POLD3: variants seen among roughly 807,000 people sequenced by gnomAD.
POLD3 encodes DNA polymerase delta 3, accessory subunit.
Under a neutral mutation model 58.2 loss-of-function variants are expected in POLD3, and 19 were observed. The observed-to-expected ratio is 0.33, with a 90% confidence interval of 0.23 to 0.48. POLD3 has a LOEUF of 0.48. POLD3 is among the 20% of genes least tolerant of loss of function. The probability of loss-of-function intolerance (pLI) is 0.99; values close to 1 mark genes in which losing one functional copy is unlikely to be tolerated. For synonymous variants in POLD3, 172 were observed against 193.5 expected, an observed-to-expected ratio of 0.89 and a Z score of 0.92; for missense variants, 504 against 545.5, an observed-to-expected ratio of 0.92 and a Z score of 0.76.
At chr11:74,623,574 C>T (rs2032333533) in intron 7 of POLD3, among the ~76,000 whole-genome samples, 1 of 152,104 alleles carries the variant, frequency 6.6e-6, no homozygotes. Context: ...GGTGGATATA[C>T]AACTAAAACG....
chr11:74,592,769 C>T (rs1340525352), intron 1 of POLD3, 51 bp downstream of exon 1: 1 of 1,606,522 alleles, frequency 6.2e-7, no homozygotes, highest in Admixed American at 1.7e-5. Flanking sequence ...GTCCTGGGCC[C>T]GGCTAGGGCG....
In POLD3 at chr11:74,642,840, T is replaced by C. The variant is rs949980228; in HGVS notation, c.*2074T>C. The C allele has an allele frequency of 1.0e-6, 1 of 985,178 alleles. No individual in the cohort carries two copies. Among genetic ancestry groups the C allele is most frequent in the Non-Finnish European group, 1.2e-6 (1 of 829,814 alleles). The allele number at this position is 985,178 out of a possible 1,614,324, so 61.0% of individuals were successfully genotyped here. On this transcript the variant is annotated 3_prime_UTR_variant, in exon 12 of 12. Transcript: ENST00000263681. ...GGTTTTCAGTTGATATTGTTAAAAC[T>C]GCATACCCACAGTCTGAGATGAACA...
intron 3 of POLD3, among the ~76,000 whole-genome samples, chr11:74,608,625 A>G (rs982483485): frequency 3.3e-5 from 5 of 152,094 alleles, no homozygotes; most frequent in African/African-American, 1.2e-4. Context: ...ACCAGCTGGC[A>G]TTTCCATTCT....
At chr11:74,611,400 T>G (rs1249354461) in intron 3 of POLD3, 99 bp from the exon 4 acceptor site, 1 of 727,680 alleles carries the variant, frequency 1.4e-6, no homozygotes, top group Non-Finnish European at 2.4e-6. Flanking sequence ...CCTGGTGTTT[T>G]CCTAATTTCA....
chr11:74,599,822 CTG>C lies in POLD3; in HGVS notation c.117-4868_117-4867del, dbSNP rs563137599. On this transcript the variant is annotated intron_variant, in intron 2 of 11. Transcript: ENST00000263681. ...TAGAGAAAGCGGTATGGGCAATACA[CTG>C]TACTCATCCTGGGGAACATTATGGG... Among the ~76,000 whole-genome samples the C allele has an allele frequency of 3.4e-3, 523 of 152,248 alleles. 2 individuals carry two copies. The highest frequency in any genetic ancestry group is 0.011 in the East Asian group (57 of 5,182).
intron 3 of POLD3, among the ~76,000 whole-genome samples, chr11:74,608,802 A>T (rs1271190830): frequency 6.6e-6 from 1 of 152,140 alleles, no homozygotes; most frequent in East Asian, 1.9e-4. Flanking sequence ...TAATTTTTAT[A>T]ATAAGCTCTG....
At chr11:74,628,341 C>T (rs10899022) in intron 8 of POLD3, among the ~76,000 whole-genome samples, 19,827 of 152,064 alleles carry the variant, frequency 0.13, 1,675 homozygotes, top group African/African-American at 0.24. Flanking sequence ...TTTTATCTCA[C>T]TGATTTCTGC....
intron 1 of POLD3, among the ~76,000 whole-genome samples, chr11:74,593,800 G>A (rs1205825360): frequency 6.6e-6 from 1 of 152,174 alleles, no homozygotes; most frequent in Non-Finnish European, 1.5e-5. Context: ...AGGAAAATGA[G>A]AGTTTTTTCT....
At chr11:74,594,023 A>G (rs758306537) in intron 1 of POLD3, 38 bp from the exon 2 acceptor site, 1 of 1,129,050 alleles carries the variant, frequency 8.9e-7, no homozygotes, top group East Asian at 2.3e-5. Flanking sequence ...CTCTGGAGTC[A>G]TCTAATAAAA....
chr11:74,592,932 G>T (rs1400546772), intron 1 of POLD3: 5 of 1,409,838 alleles, frequency 3.5e-6, no homozygotes, highest in Non-Finnish European at 4.6e-6. Flanking sequence ...CGTCCCTTGG[G>T]TGGGCGTGCT....
At chr11:74,598,732 C>A (rs2031371393) in intron 2 of POLD3, among the ~76,000 whole-genome samples, 1 of 152,144 alleles carries the variant, frequency 6.6e-6, no homozygotes, top group African/African-American at 2.4e-5. Context: ...TTCTCACAGC[C>A]TGGTGTCTCC....
At chr11:74,654,389 G>A (rs1010298203) in intron 4 of POLD3, among the ~76,000 whole-genome samples, 6 of 151,952 alleles carry the variant, frequency 3.9e-5, no homozygotes, top group African/African-American at 7.2e-5. Context: ...TATAATACTC[G>A]TAAACGTGCA....
chr11:74,627,580 G>C (rs1021861601), intron 8 of POLD3, among the ~76,000 whole-genome samples: 2 of 152,146 alleles, frequency 1.3e-5, no homozygotes, highest in Non-Finnish European at 2.9e-5. Context: ...CTCACTCACT[G>C]ACTCAGCCAG....
intron 2 of POLD3, among the ~76,000 whole-genome samples, chr11:74,604,020 T>C (rs1160848498): frequency 1.3e-5 from 2 of 152,244 alleles, no homozygotes; most frequent in Non-Finnish European, 2.9e-5. Flanking sequence ...TTCTGAATAC[T>C]GGGCAATGTG....
chr11:74,608,722 C>T (rs543495686), intron 3 of POLD3, among the ~76,000 whole-genome samples: 34 of 152,218 alleles, frequency 2.2e-4, no homozygotes, highest in African/African-American at 3.9e-4. Context: ...TCATGAGGTG[C>T]GAATTACTGT....
intron 3 of POLD3, among the ~76,000 whole-genome samples, chr11:74,609,372 A>ATATATATATT (rs2031821525): frequency 3.7e-5 from 1 of 27,194 alleles, no homozygotes; most frequent in African/African-American, 1.9e-4. Context: ...ATATATATAT[A>ATATATATATT]TTTTTTTTTT....
In POLD3 at chr11:74,668,716, G is replaced by C. The variant is rs942930996; in HGVS notation, c.370-61G>C. The C allele has an allele frequency of 3.4e-6, 4 of 1,171,148 alleles. No individual in the cohort carries two copies. In the African/African-American group the frequency reaches 4.7e-5, roughly 14 times the overall value. The allele number at this position is 1,171,148 out of a possible 1,614,324, so 72.5% of individuals were successfully genotyped here. On this transcript the variant is annotated intron_variant, in intron 4 of 4. Transcript: ENST00000524752. ...CTAGGAGGGAGAATGGGGTTAGGGG[G>C]TATAATGGGAGAAAAGGGAAGATAT...
intron 1 of POLD3, chr11:74,593,136 C>T (rs1292332228): frequency 1.5e-6 from 1 of 682,182 alleles, no homozygotes; most frequent in Non-Finnish European, 1.8e-6. Context: ...GTTTCCTCTT[C>T]CTGGAAATTT....
chr11:74,639,634 G>C (rs187022522), intron 11 of POLD3, among the ~76,000 whole-genome samples: 1 of 152,198 alleles, frequency 6.6e-6, no homozygotes, highest in Admixed American at 6.5e-5. Flanking sequence ...TGGTATATGT[G>C]TTGCAGTAGT....
Sources: gnomAD v4.1 joint callset for allele counts (sites outside exome capture counted in the v4.1 genomes callset) on GRCh38, gnomAD v4.1.1 for gene constraint, MANE v1.5 for transcripts, NCBI Gene and HGNC (gene_info 2026-07-23, HGNC 2026-07-21) for gene names.